PLAT: variants seen among roughly 807,000 people sequenced by gnomAD.
The protein encoded by PLAT is plasminogen activator, tissue type, also known as tissue-type plasminogen activator.
Under a neutral mutation model 74.9 loss-of-function variants are expected in PLAT, and 48 were observed. The observed-to-expected ratio is 0.64, with a 90% CI of 0.51 to 0.82. PLAT has a LOEUF of 0.82. Ranked by LOEUF, PLAT falls within the 40% of genes least tolerant of loss-of-function variation. The pLI, the probability that PLAT is intolerant of heterozygous loss-of-function variation, is 0.00. For missense variants in PLAT, 673 were observed against 736.2 expected, an observed-to-expected ratio of 0.91 and a Z score of 0.99; for synonymous variants, 307 against 294.4, an observed-to-expected ratio of 1.04 and a Z score of -0.44.
At position 42,193,175 on chromosome 8, in the gene PLAT, A is replaced by G. The variant is rs1805752059; in HGVS notation, c.11T>C (p.Met4Thr). ...CAGCACACAGCAGAGCCCTCTCTTC[A>G]TTGCATCCATGATTGCTTCACAGCG... MDA[M>T]KRGLCCVLLL... is the part of the protein sequence containing the mutation. The change falls in exon 2 of 14, where the codon ATG becomes ACG. Residue 4 changes from methionine to threonine, a missense_variant. Physicochemically the swap from Met to Thr is moderately conservative, Grantham distance 81. Coordinates refer to ENST00000220809, the MANE Select transcript of PLAT (RefSeq NM_000930.5). The G allele has an allele frequency of 1.2e-6, 2 of 1,613,742 alleles. No homozygotes were observed. Among genetic ancestry groups the G allele is most frequent in the Non-Finnish European group, 1.7e-6 (2 of 1,179,650 alleles).
intron 13 of PLAT, among the ~76,000 whole-genome samples, chr8:42,177,621 A>G (rs915625761): frequency 1.3e-5 from 2 of 152,228 alleles, no homozygotes; most frequent in Non-Finnish European, 2.9e-5. Context: ...CATGAAAAGC[A>G]CTGGAAGACA....
At chr8:42,180,183 T>C in intron 11 of PLAT, 59 bp downstream of exon 11, 1 of 1,605,368 alleles carries the variant, frequency 6.2e-7, no homozygotes, top group Non-Finnish European at 8.5e-7. Flanking sequence ...CATAGGTGAG[T>C]GCATGTGGGT....
In PLAT at chr8:42,176,104, A is replaced by G; in HGVS notation, c.1578T>C (p.Thr526=). 1 of 1,614,022 alleles carries G rather than the reference A, an allele frequency of 6.2e-7. No individual in the cohort carries two copies. Among genetic ancestry groups the G allele is most frequent in the Non-Finnish European group, 8.5e-7 (1 of 1,179,950 alleles). Residue 526 remains threonine (T), a synonymous_variant, in exon 14 of 14, where the codon ACT becomes ACC. Coordinates refer to ENST00000220809, the MANE Select transcript of PLAT (RefSeq NM_000930.5). Reference sequence around the variant, plus strand: ...GGCCCCAGCTGATGATGCCCACCAAAGTCATGCGGCCATCGTTCAGACACA... The same window carrying G: ...GGCCCCAGCTGATGATGCCCACCAAGGTCATGCGGCCATCGTTCAGACACA... ...PLVCLNDGRM[T]LVGIISWGLG...
intron 1 of PLAT, among the ~76,000 whole-genome samples, chr8:42,201,948 G>A (rs928058018): frequency 5.3e-5 from 8 of 152,184 alleles, no homozygotes; most frequent in African/African-American, 1.9e-4. Flanking sequence ...AAAATACAAC[G>A]GGTTTCTCTT....
At position 42,182,861 on chromosome 8, in the gene PLAT, A is replaced by G; in HGVS notation, c.661T>C (p.Ser221Pro). Residue 221 changes from serine (S) to proline (P), a missense_variant, in exon 8 of 14, where the codon TCA becomes CCA. Coordinates refer to ENST00000220809, the MANE Select transcript of PLAT (RefSeq NM_000930.5). ...AGGCTGTGCGTGCCACGGTAGGCTG[A>G]CCCATTCCCAAAGTAGCAGTCACTG... ...GNSDCYFGNG[S>P]AYRGTHSLTE... 6.2e-7 allele frequency: 1 copy of G among 1,610,338 alleles called. No individual in the cohort carries two copies. Among genetic ancestry groups the G allele is most frequent in the South Asian group, 1.1e-5 (1 of 90,530 alleles).
chr8:42,205,937 C>G (rs531191314), intron 1 of PLAT, among the ~76,000 whole-genome samples: 109 of 152,346 alleles, frequency 7.2e-4, no homozygotes, highest in African/African-American at 2.5e-3. Context: ...CCTTTGAAAT[C>G]TACTGGCCGC....
chr8:42,186,506 C>T (rs755374227), intron 6 of PLAT: 4 of 152,218 alleles, frequency 2.6e-5, no homozygotes, highest in Non-Finnish European at 5.9e-5. Context: ...CGATGTACAT[C>T]TCACACATGT....
intron 1 of PLAT, among the ~76,000 whole-genome samples, chr8:42,195,397 C>G (rs985737335): frequency 6.6e-6 from 1 of 152,162 alleles, no homozygotes; most frequent in South Asian, 2.1e-4. Context: ...GAGGGAGGCT[C>G]GCCAGCGTGG....
intron 5 of PLAT, 40 bp downstream of exon 5, chr8:42,187,866 G>T: frequency 7.6e-7 from 1 of 1,307,912 alleles, no homozygotes; most frequent in Non-Finnish European, 1.1e-6. Context: ...GACTGGAGAG[G>T]TGGGATTTCA....
chr8:42,199,150 A>T (rs1375152306), intron 1 of PLAT, among the ~76,000 whole-genome samples: 1 of 152,236 alleles, frequency 6.6e-6, no homozygotes, highest in African/African-American at 2.4e-5. Flanking sequence ...ACTTTCAAAA[A>T]CTACCATCAC....
In PLAT at chr8:42,184,984, C is replaced by G. The variant is rs1316448514; in HGVS notation, c.631+97G>C. On this transcript the variant is annotated intron_variant, in intron 7 of 13. Transcript: ENST00000220809. ...CAAAATGACTCACTCCTGGCCTCCCCCTTTCTCCCCTCAGGTGCAGGAGGG... is the reference window on the plus strand; with the variant it reads ...CAAAATGACTCACTCCTGGCCTCCCGCTTTCTCCCCTCAGGTGCAGGAGGG... The G allele has an allele frequency of 5.3e-6, 4 of 749,300 alleles. No individual in the cohort carries two copies. The African/African-American group carries it at 7.2e-5, about 13-fold the overall frequency. 46.4% of individuals were successfully genotyped at this position (749,300 alleles called of 1,614,324 possible).
chr8:42,178,761 C>T (rs1295806387), intron 13 of PLAT, 136 bp downstream of exon 13: 3 of 790,540 alleles, frequency 3.8e-6, no homozygotes, highest in Non-Finnish European at 6.0e-6. Flanking sequence ...AGGCCCTCAT[C>T]TAGAATCCCC....
At chr8:42,203,986 T>TACACAC (rs1395910660) in intron 1 of PLAT, among the ~76,000 whole-genome samples, 39 of 120,066 alleles carry the variant, frequency 3.2e-4, no homozygotes, top group African/African-American at 2.2e-3. Flanking sequence ...TATATATATA[T>TACACAC]ATATATACAC....
chr8:42,194,241 A>AGAGAGAGAGTGTGT (rs1419569830), intron 1 of PLAT, among the ~76,000 whole-genome samples: 3 of 52,576 alleles, frequency 5.7e-5, no homozygotes, highest in African/African-American at 2.0e-4. Context: ...AGAGAGAGAG[A>AGAGAGAGAGTGTGT]GTGTGTGTGT....
At chr8:42,195,962 T>A (rs927179556) in intron 1 of PLAT, among the ~76,000 whole-genome samples, 3 of 152,234 alleles carry the variant, frequency 2.0e-5, no homozygotes, top group Non-Finnish European at 4.4e-5. Flanking sequence ...CTCGATAGGC[T>A]CCTGCACCCC....
intron 1 of PLAT, among the ~76,000 whole-genome samples, chr8:42,198,614 C>T (rs1473378495): frequency 6.6e-6 from 1 of 152,184 alleles, no homozygotes. Context: ...TGTACTCTTG[C>T]CAGCAAGAAG....
rs372500648 is a variant in PLAT at position 42,179,908 on chromosome 8, A to C, written c.1363+18T>G. ...CTGTCCCGCAGACAGGATGGGGCCG[A>C]GACTTCCTTCCACTTACAGGCCTCA... On this transcript the variant is annotated intron_variant, in intron 12 of 13. Coordinates refer to ENST00000220809, the MANE Select transcript of PLAT (RefSeq NM_000930.5). The C allele has an allele frequency of 6.4e-7, 1 of 1,564,478 alleles. No individual in the cohort carries two copies. Among genetic ancestry groups the C allele is most frequent in the Non-Finnish European group, 8.7e-7 (1 of 1,150,064 alleles).
At chr8:42,191,299 G>T in intron 3 of PLAT, 73 bp downstream of exon 3, 1 of 1,210,628 alleles carries the variant, frequency 8.3e-7, no homozygotes, top group Non-Finnish European at 1.2e-6. Flanking sequence ...CAGGTGGTGG[G>T]TGGGTGATGC....
rs8178745 is a variant in PLAT, at chr8:42,188,294, G to A, written c.254-278C>T. On this transcript the variant is annotated intron_variant, in intron 4 of 13. Transcript: ENST00000220809. Reference sequence around the variant, plus strand: ...AGGATGATGTGAGTTAAAATATTAAGAATGTGCTCTATGTGCCAGGCGCTG... The same window carrying A: ...AGGATGATGTGAGTTAAAATATTAAAAATGTGCTCTATGTGCCAGGCGCTG... 1,837 of 367,298 alleles carry A rather than the reference G, an allele frequency of 5.0e-3. 31 individuals carry two copies. The highest frequency in any genetic ancestry group is 0.036 in the African/African-American group (1,713 of 48,026). The allele number at this position is 367,298 out of a possible 1,614,324, so 22.8% of individuals were successfully genotyped here. A position where few individuals can be genotyped will look rare whatever the true frequency, so the allele number is the denominator to read the frequency against.
Sources: gnomAD v4.1 joint callset for allele counts (sites outside exome capture counted in the v4.1 genomes callset) on GRCh38, gnomAD v4.1.1 for gene constraint, MANE v1.5 for transcripts, NCBI Gene and HGNC (gene_info 2026-07-23, HGNC 2026-07-21) for gene names.